Variants in IKBKB-DT observed in about 807,000 individuals in gnomAD.
IKBKB-DT encodes IKBKB divergent transcript.
At chr8:42,249,097 A>G (rs920366682) in intron 3 of IKBKB-DT, 1 of 152,164 alleles carries the variant, frequency 6.6e-6, no homozygotes, top group Admixed American at 6.6e-5. Flanking sequence ...GGCCGGGTGC[A>G]GTAGCTCACA....
chr8:42,261,672 T>C (rs897475684), intron 3 of IKBKB-DT, among the ~76,000 whole-genome samples: 1 of 152,252 alleles, frequency 6.6e-6, no homozygotes, highest in African/African-American at 2.4e-5. Flanking sequence ...AGCCTCTCTT[T>C]TGTTGTCTGG....
At chr8:42,256,569 T>C (rs1807203618) in intron 3 of IKBKB-DT, among the ~76,000 whole-genome samples, 1 of 151,976 alleles carries the variant, frequency 6.6e-6, no homozygotes, top group African/African-American at 2.4e-5. Context: ...CAAAACTCCA[T>C]CTCAAAAAAA....
chr8:42,266,993 G>GT lies in IKBKB-DT; in HGVS notation n.604-598dup, dbSNP rs917419273. ...ATTCCTTTACCTTCTTTTTTTGTTT[G>GT]TTTTTTTTTTGTTTTTTTTTTTTTT... is the stretch of plus-strand genomic sequence containing the variant. On this transcript the variant is annotated intron_variant and non_coding_transcript_variant, in intron 1 of 3. Transcript: ENST00000518213. Among the ~76,000 whole-genome samples, 506 of 135,344 alleles carry GT rather than the reference G, an allele frequency of 3.7e-3. 2 individuals carry two copies. The highest frequency in any genetic ancestry group is 0.016 in the South Asian group (68 of 4,138). 88.8% of individuals were successfully genotyped at this position (135,344 alleles called of 152,430 possible).
chr8:42,250,110 G>A (rs1219774695), intron 3 of IKBKB-DT, among the ~76,000 whole-genome samples: 1 of 152,190 alleles, frequency 6.6e-6, no homozygotes, highest in East Asian at 1.9e-4. Flanking sequence ...ACTCAAATAA[G>A]TCTCCTAGGG....
At chr8:42,265,866 C>T (rs1443442329) in exon 2 of IKBKB-DT, among the ~76,000 whole-genome samples, 3 of 152,060 alleles carry the variant, frequency 2.0e-5, no homozygotes, top group African/African-American at 4.8e-5. Context: ...GCACAACAGC[C>T]GGCTGGCCCT....
intron 3 of IKBKB-DT, among the ~76,000 whole-genome samples, chr8:42,255,155 C>G (rs1368341956): frequency 6.6e-6 from 1 of 152,096 alleles, no homozygotes; most frequent in Non-Finnish European, 1.5e-5. Context: ...GTGCCACTGC[C>G]CAGCCGTCGC....
chr8:42,243,693 G>T (rs1274730856), intron 3 of IKBKB-DT, among the ~76,000 whole-genome samples: 1 of 152,114 alleles, frequency 6.6e-6, no homozygotes, highest in East Asian at 1.9e-4. Flanking sequence ...TAATTTAGAC[G>T]GACAGTACTC....
intron 3 of IKBKB-DT, among the ~76,000 whole-genome samples, chr8:42,255,912 G>A (rs572372080): frequency 1.1e-4 from 16 of 151,878 alleles, no homozygotes; most frequent in Non-Finnish European, 1.9e-4. Context: ...TGTAATCCCA[G>A]GTATTTGGGA....
chr8:42,256,833 CT>C (rs1807209119), intron 3 of IKBKB-DT, among the ~76,000 whole-genome samples: 1 of 152,072 alleles, frequency 6.6e-6, no homozygotes, highest in Non-Finnish European at 1.5e-5. Context: ...ACTTTTCTTA[CT>C]CATCAGCACA....
chr8:42,235,179 T>G (rs1310887241), intron 3 of IKBKB-DT, among the ~76,000 whole-genome samples: 1 of 150,124 alleles, frequency 6.7e-6, no homozygotes, highest in Non-Finnish European at 1.5e-5. Context: ...TACTGTGGAT[T>G]TTTCTTTTTT....
intron 3 of IKBKB-DT, among the ~76,000 whole-genome samples, chr8:42,244,301 A>G (rs1201235770): frequency 1.3e-5 from 2 of 152,126 alleles, no homozygotes; most frequent in Non-Finnish European, 2.9e-5. Flanking sequence ...CAGTTATCCT[A>G]TTTGGGAGAA....
intron 3 of IKBKB-DT, among the ~76,000 whole-genome samples, chr8:42,235,297 C>T (rs1806905442): frequency 1.3e-5 from 2 of 150,072 alleles, no homozygotes; most frequent in African/African-American, 5.0e-5. Context: ...CTCTGCTTTC[C>T]AGGTTCAAGT....
chr8:42,267,204 C>T (rs972066781), intron 1 of IKBKB-DT, among the ~76,000 whole-genome samples: 2 of 152,008 alleles, frequency 1.3e-5, no homozygotes, highest in Admixed American at 1.3e-4. Context: ...CGGGGTTTCA[C>T]CGTGTTAGCC....
At chr8:42,271,164 A>G in exon 1 of IKBKB-DT, 1 of 588,442 alleles carries the variant, frequency 1.7e-6, no homozygotes. Context: ...AGTTGTCTAG[A>G]GACCACACGC....
At chr8:42,247,130 CA>C (rs1161162632) in intron 3 of IKBKB-DT, among the ~76,000 whole-genome samples, 3 of 152,118 alleles carry the variant, frequency 2.0e-5, no homozygotes, top group African/African-American at 7.2e-5. Flanking sequence ...CAGACAACGC[CA>C]CAAACACTCA....
chr8:42,250,492 T>C (rs1445920737), intron 3 of IKBKB-DT, among the ~76,000 whole-genome samples: 1 of 152,228 alleles, frequency 6.6e-6, no homozygotes, highest in Non-Finnish European at 1.5e-5. Context: ...CCTAGCCTGG[T>C]GCTCCCTCAT....
intron 3 of IKBKB-DT, among the ~76,000 whole-genome samples, chr8:42,251,447 A>G (rs541887966): frequency 6.6e-6 from 1 of 152,326 alleles, no homozygotes; most frequent in Admixed American, 6.5e-5. Flanking sequence ...AAGCAATAAC[A>G]TGTCCATATA....
intron 3 of IKBKB-DT, among the ~76,000 whole-genome samples, chr8:42,243,190 T>C (rs1563274951): frequency 6.6e-6 from 1 of 152,088 alleles, no homozygotes; most frequent in African/African-American, 2.4e-5. Flanking sequence ...GGCCTAAAAC[T>C]CTCCAGGTGG....
chr8:42,234,062 C>T (rs1806888044), intron 3 of IKBKB-DT, among the ~76,000 whole-genome samples: 1 of 152,168 alleles, frequency 6.6e-6, no homozygotes, highest in South Asian at 2.1e-4. Flanking sequence ...ATGTAGTTCC[C>T]AGGCAAGAAG....
Sources: gnomAD v4.1 joint callset for allele counts (sites outside exome capture counted in the v4.1 genomes callset) on GRCh38, gnomAD v4.1.1 for gene constraint, MANE v1.5 for transcripts, NCBI Gene and HGNC (gene_info 2026-07-23, HGNC 2026-07-21) for gene names.